The following IST1 variants were observed in gnomAD, a reference collection of about 807,000 sequenced individuals.
IST1 encodes IST1 factor associated with ESCRT-III.
Under a neutral mutation model 37.0 loss-of-function variants are expected in IST1, and 23 were observed. The ratio of observed to expected loss-of-function variants is 0.62; its 90% confidence interval spans 0.45 to 0.88. The LOEUF is 0.88. Ranked by LOEUF, IST1 falls within the 40% of genes least tolerant of loss-of-function variation. The pLI is 0.00. For synonymous variants in IST1, 180 were observed against 161.7 expected (o/e 1.11, Z -0.86); for missense variants, 488 against 445.4 (o/e 1.10, Z -0.86).
intron 1 of IST1, among the ~76,000 whole-genome samples, chr16:71,910,400 A>T (rs994057053): frequency 6.6e-6 from 1 of 152,054 alleles, no homozygotes; most frequent in Non-Finnish European, 1.5e-5. Context: ...AAGTCAGGAG[A>T]TCGAGACCAT....
chr16:71,923,818 T>A (rs149536369), intron 8 of IST1, among the ~76,000 whole-genome samples: 57 of 152,342 alleles, frequency 3.7e-4, no homozygotes, highest in Non-Finnish European at 7.4e-4. Flanking sequence ...CAGTTACATG[T>A]CGGCCGACAG....
intron 4 of IST1, among the ~76,000 whole-genome samples, chr16:71,917,645 A>AG (rs1179042228): frequency 6.6e-6 from 1 of 152,226 alleles, no homozygotes; most frequent in Non-Finnish European, 1.5e-5. Flanking sequence ...ACTGACTCCT[A>AG]GGATACAAAT....
At chr16:71,902,985 A>G (rs1449123612) in intron 1 of IST1, among the ~76,000 whole-genome samples, 3 of 151,638 alleles carry the variant, frequency 2.0e-5, no homozygotes, top group Admixed American at 6.6e-5. Context: ...TAGATTAGTA[A>G]TTTGAGACCT....
rs2142524341 is a variant in IST1, at chr16:71,900,324, A to ACCT, written c.-16+4735_-16+4736insCCT. On this transcript the variant is annotated intron_variant, in intron 1 of 9. Transcript: ENST00000378799. ...AAACACTGAGTTTACTCCCTTAGGA[A>ACCT]GTCTTTTTTTTTTTTTTTTTTTTTT... Among the ~76,000 whole-genome samples, 3 of 133,328 alleles carry ACCT rather than the reference A, an allele frequency of 2.3e-5. No individual in the cohort carries two copies. In the South Asian group the frequency reaches 7.3e-4, roughly 32 times the overall value. 87.5% of individuals were successfully genotyped at this position (133,328 alleles called of 152,430 possible).
chr16:71,908,180 G>T (rs1357842264), intron 1 of IST1, among the ~76,000 whole-genome samples: 1 of 151,724 alleles, frequency 6.6e-6, no homozygotes, highest in African/African-American at 2.4e-5. Flanking sequence ...CTGACCTCAC[G>T]ATCCACCCGC....
At chr16:71,898,971 A>C (rs1459849981) in intron 1 of IST1, among the ~76,000 whole-genome samples, 1 of 151,602 alleles carries the variant, frequency 6.6e-6, no homozygotes, top group Non-Finnish European at 1.5e-5. Flanking sequence ...TCTCAAAAAA[A>C]AAAAAAAAAA....
chr16:71,904,313 G>T (rs1008708670), intron 1 of IST1, among the ~76,000 whole-genome samples: 1 of 152,134 alleles, frequency 6.6e-6, no homozygotes, highest in South Asian at 2.1e-4. Flanking sequence ...AGTAGAGATG[G>T]GGTTTCGTCA....
At chr16:71,919,612 G>C (rs750063625) in intron 4 of IST1, among the ~76,000 whole-genome samples, 2 of 152,178 alleles carry the variant, frequency 1.3e-5, no homozygotes, top group African/African-American at 2.4e-5. Flanking sequence ...GGCTGGTCTT[G>C]AACACCTGAA....
rs751160299 is a variant in IST1 at position 71,920,732 on chromosome 16, T to G, written c.358-7T>G. 8.7e-6 allele frequency: 14 copies of G among 1,611,194 alleles called. No individual in the cohort carries two copies. Among genetic ancestry groups the G allele is most frequent in the South Asian group, 1.1e-5 (1 of 91,008 alleles). The stretch of plus-strand genomic sequence containing the variant: ...CTATTTTTATTTGCTGTCCTTTTTC[T>G]TTTTAGGTTGCTGATCAGCTCTGTG... On this transcript the variant is annotated splice_polypyrimidine_tract_variant and splice_region_variant and intron_variant, in intron 4 of 9. Transcript: ENST00000378799.
At chr16:71,921,004 C>T (rs553435513) in intron 5 of IST1, 182 bp downstream of exon 5, 2 of 647,598 alleles carry the variant, frequency 3.1e-6, no homozygotes, top group South Asian at 1.7e-5. Flanking sequence ...CCCAATTCCT[C>T]TGGTTACTGT....
chr16:71,923,064 C>T, intron 7 of IST1: 1 of 473,162 alleles, frequency 2.1e-6, no homozygotes, highest in Non-Finnish European at 3.7e-6. Context: ...CCCTTGTAAA[C>T]ACTGAAGCAC....
chr16:71,901,803 CAT>C (rs1398602479), intron 1 of IST1, among the ~76,000 whole-genome samples: 1 of 152,114 alleles, frequency 6.6e-6, no homozygotes, highest in Non-Finnish European at 1.5e-5. Flanking sequence ...TACTAATTAA[CAT>C]AATACATGAG....
At chr16:71,895,441 G>A, upstream of IST1, 1 of 859,748 alleles carries the variant, frequency 1.2e-6, no homozygotes, top group Non-Finnish European at 1.4e-6. Flanking sequence ...CGGCGATCGC[G>A]CAGCCAATCC....
At chr16:71,901,393 T>C (rs1438385933) in intron 1 of IST1, among the ~76,000 whole-genome samples, 1 of 152,172 alleles carries the variant, frequency 6.6e-6, no homozygotes, top group East Asian at 1.9e-4. Context: ...TTTTGTGTTT[T>C]TAGTAGAGAT....
Position 71,929,138 on chromosome 16 carries a change from G to C in IST1, c.*1325G>C, listed in dbSNP as rs548477342. On this transcript the variant is annotated 3_prime_UTR_variant, in exon 10 of 10. Transcript: ENST00000378799. ...CCTGGAGCAGTACAGAGCTCATTTT[G>C]ATCTCTGTATTTAGATAGCCCAGAT... The C allele has an allele frequency of 1.2e-5, 2 of 166,042 alleles. No individual in the cohort carries two copies. The highest frequency in any genetic ancestry group is 1.7e-4 in the East Asian group (1 of 5,954). The allele number at this position is 166,042 out of a possible 1,614,324, so 10.3% of individuals were successfully genotyped here.
rs1395763392 is a variant in IST1, at chr16:71,929,904, G to A, written c.*2091G>A. The A allele has an allele frequency of 1.8e-6, 2 of 1,135,928 alleles. No homozygotes were observed. Among genetic ancestry groups the A allele is most frequent in the Non-Finnish European group, 2.4e-6 (2 of 822,796 alleles). The allele number at this position is 1,135,928 out of a possible 1,614,324, so 70.4% of individuals were successfully genotyped here. A position where few individuals can be genotyped will look rare whatever the true frequency, so the allele number is the denominator to read the frequency against. ...GTAGTCTTATAAATTGGGTTTCCTA[G>A]GAAGATAGCTGGCAGAGCTTTTGAA... is the stretch of plus-strand genomic sequence containing the variant. On this transcript the variant is annotated 3_prime_UTR_variant, in exon 10 of 10. Coordinates refer to ENST00000378799, the MANE Select transcript of IST1 (RefSeq NM_001270975.2).
At chr16:71,896,049 C>T (rs762891114) in intron 1 of IST1, among the ~76,000 whole-genome samples, 1 of 152,230 alleles carries the variant, frequency 6.6e-6, no homozygotes, top group Admixed American at 6.5e-5. Context: ...TTCCACCGGG[C>T]GGGGTGGCCT....
chr16:71,903,168 A>T (rs2142532092), intron 1 of IST1: 1 of 152,158 alleles, frequency 6.6e-6, no homozygotes, highest in South Asian at 2.1e-4. Flanking sequence ...TTTGTAGAGA[A>T]TGGGGTCTTG....
chr16:71,904,909 A>C (rs773763368), intron 1 of IST1, among the ~76,000 whole-genome samples: 2 of 152,056 alleles, frequency 1.3e-5, no homozygotes, highest in African/African-American at 2.4e-5. Flanking sequence ...GTTTGAGTTT[A>C]GGTCTACATT....
Sources: gnomAD v4.1 joint callset for allele counts (sites outside exome capture counted in the v4.1 genomes callset) on GRCh38, gnomAD v4.1.1 for gene constraint, MANE v1.5 for transcripts, NCBI Gene and HGNC (gene_info 2026-07-23, HGNC 2026-07-21) for gene names.